COL21A1: variants seen among roughly 807,000 people sequenced by gnomAD.
COL21A1 encodes collagen type XXI alpha 1 chain, also known as collagen alpha-1(XXI) chain.
In COL21A1, 149 loss-of-function variants were observed where a neutral mutation model predicts 137.9. The observed-to-expected ratio is 1.08, with a 90% CI of 0.95 to 1.24. The LOEUF (loss-of-function observed/expected upper bound fraction) is 1.24, where lower values mean the gene tolerates loss of function less well. Ranked by LOEUF, COL21A1 falls within the 50% of genes most tolerant of loss-of-function variation. The pLI is 0.00. For synonymous variants in COL21A1, 456 were observed against 391.5 expected (o/e 1.16, Z -1.95); for missense variants, 1,167 against 1,158.4 (o/e 1.01, Z -0.11).
intron 10 of COL21A1, among the ~76,000 whole-genome samples, chr6:56,144,205 CT>C (rs1236101910): frequency 1.3e-5 from 2 of 152,100 alleles, no homozygotes; most frequent in Non-Finnish European, 2.9e-5. Context: ...TCTAAATTAT[CT>C]TTTTTTCAGA....
At position 56,182,530 on chromosome 6, in the gene COL21A1, C is replaced by A. The variant is rs370999783; in HGVS notation, c.88+1G>T. ...AAAAGGACAATGCTGATAGTTCTTA[C>A]TTGATCTTACTTCCCCATCTTCAGC... On this transcript the variant is annotated splice_donor_variant, in intron 2 of 29. Transcript: ENST00000244728. LOFTEE classifies it high-confidence loss of function. 1.1e-5 allele frequency: 17 copies of A among 1,584,646 alleles called. No homozygotes were observed. The highest frequency in any genetic ancestry group is 2.7e-5 in the African/African-American group (2 of 74,442).
At position 56,059,214 on chromosome 6, in the gene COL21A1, C is replaced by T. The variant is rs995321788; in HGVS notation, c.2637G>A (p.Gly879=). Residue 879 remains glycine (G), a synonymous_variant, in exon 29 of 30, where the codon GGG becomes GGA. Coordinates refer to ENST00000244728, the MANE Select transcript of COL21A1 (RefSeq NM_030820.4). ...KGLPGRNGEK[G]SQGFGYPGEQ... ...CTCCAGGATACCCAAACCCTTGGCT[C>T]CCTTTTTCCCCATTTCTTCCTGGTA... is the stretch of plus-strand genomic sequence containing the variant. The T allele has an allele frequency of 6.2e-6, 10 of 1,606,636 alleles. No individual in the cohort carries two copies. The Admixed American group carries it at 1.0e-4, about 17-fold the overall frequency.
At chr6:56,184,440 GA>G (rs11325762) in intron 1 of COL21A1, among the ~76,000 whole-genome samples, 96,855 of 151,632 alleles carry the variant, frequency 0.64, 31,202 homozygotes, top group East Asian at 0.86. Flanking sequence ...AACAAAAAAT[GA>G]AAAAAAATAA....
chr6:56,125,625 A>C lies in COL21A1; in HGVS notation c.1597-5T>G, dbSNP rs577577904. 1.3e-6 allele frequency: 2 copies of C among 1,554,916 alleles called. No homozygotes were observed. The highest frequency in any genetic ancestry group is 1.7e-4 in the Middle Eastern group (1 of 5,738). Reference sequence around the variant, plus strand: ...TCCTTTGGCACCCATTTCACCCTAAAAGACAAAATATAAATAGTGAATATT... The same window carrying C: ...TCCTTTGGCACCCATTTCACCCTAACAGACAAAATATAAATAGTGAATATT... On this transcript the variant is annotated splice_polypyrimidine_tract_variant and splice_region_variant and intron_variant, in intron 13 of 29. Transcript: ENST00000244728.
At chr6:56,273,000 G>T (rs748437808) in intron 1 of COL21A1, among the ~76,000 whole-genome samples, 33 of 152,052 alleles carry the variant, frequency 2.2e-4, no homozygotes, top group Admixed American at 1.3e-3. Context: ...AATTTCAACA[G>T]ATTTTAAAAA....
At chr6:56,267,428 A>T (rs549305503) in intron 1 of COL21A1, among the ~76,000 whole-genome samples, 1 of 152,182 alleles carries the variant, frequency 6.6e-6, no homozygotes, top group African/African-American at 2.4e-5. Context: ...AAGCCCCAAG[A>T]TGGAAAAAAC....
At position 56,148,368 on chromosome 6, in the gene COL21A1, G is replaced by GAGAGAGAGAGAGAGAGAGAA. The variant is rs1208798741; in HGVS notation, c.1435-6386_1435-6385insTTCTCTCTCTCTCTCTCTCT. Among the ~76,000 whole-genome samples the GAGAGAGAGAGAGAGAGAGAA allele has an allele frequency of 1.2e-3, 185 of 150,210 alleles. 2 individuals are homozygous for GAGAGAGAGAGAGAGAGAGAA. The highest frequency in any genetic ancestry group is 4.0e-3 in the African/African-American group (163 of 40,352). ...AGAGAGAGAGAGAGAGAGAGAGAGA[G>GAGAGAGAGAGAGAGAGAGAA]AAACACATAAAATAAATAAATAAAT... On this transcript the variant is annotated intron_variant, in intron 10 of 29. Transcript: ENST00000244728.
intron 2 of COL21A1, among the ~76,000 whole-genome samples, chr6:56,182,001 A>G (rs1340482384): frequency 6.6e-6 from 1 of 152,202 alleles, no homozygotes; most frequent in Non-Finnish European, 1.5e-5. Context: ...TAGTTAATTT[A>G]TAGTAGGATG....
chr6:56,321,469 T>C (rs186109150), intron 1 of COL21A1, among the ~76,000 whole-genome samples: 1 of 152,354 alleles, frequency 6.6e-6, no homozygotes, highest in East Asian at 1.9e-4. Context: ...TACATCACTT[T>C]AGTGGGCATT....
At chr6:56,098,059 A>ATG (rs1387030942) in intron 17 of COL21A1, among the ~76,000 whole-genome samples, 1 of 1,928 alleles carries the variant, frequency 5.2e-4, no homozygotes, top group Non-Finnish European at 8.8e-4. Context: ...ATAAATATAT[A>ATG]TAAATATATA....
chr6:56,276,533 T>A (rs576200366), intron 1 of COL21A1: 359 of 1,266,550 alleles, frequency 2.8e-4, no homozygotes, highest in Non-Finnish European at 3.6e-4. Flanking sequence ...ATATTAATCA[T>A]TCTTCTTATA....
rs145782854 is a variant in COL21A1 at position 56,144,153 on chromosome 6, T to C, written c.1435-2170A>G. 6.1e-3 allele frequency among the ~76,000 whole-genome samples: 933 copies of C among 152,322 alleles called. 9 individuals are homozygous for C. The highest frequency in any genetic ancestry group is 0.022 in the African/African-American group (896 of 41,582). On this transcript the variant is annotated intron_variant, in intron 10 of 29. Transcript: ENST00000244728. ...TGTCACTGCTAGCAATGTACAAATA[T>C]AGAATTCACTTTCCTCCTTACAACT... is the stretch of plus-strand genomic sequence containing the variant.
intron 1 of COL21A1, among the ~76,000 whole-genome samples, chr6:56,278,375 T>TA (rs1471841410): frequency 6.6e-6 from 1 of 152,094 alleles, no homozygotes; most frequent in East Asian, 1.9e-4. Context: ...GGTTTGACAG[T>TA]AGGGGGTTGA....
At chr6:56,093,340 T>G (rs1038149078) in intron 17 of COL21A1, among the ~76,000 whole-genome samples, 1 of 152,154 alleles carries the variant, frequency 6.6e-6, no homozygotes, top group Non-Finnish European at 1.5e-5. Context: ...CTTATCTAAA[T>G]TAATAAATCG....
chr6:56,173,705 G>A (rs1026454993), intron 3 of COL21A1, among the ~76,000 whole-genome samples: 10 of 151,980 alleles, frequency 6.6e-5, no homozygotes, highest in African/African-American at 1.7e-4. Context: ...ACAAAAATAC[G>A]AGGCAGACAT....
intron 10 of COL21A1, among the ~76,000 whole-genome samples, chr6:56,150,037 C>G (rs754792506): frequency 2.6e-5 from 4 of 152,176 alleles, no homozygotes; most frequent in Non-Finnish European, 5.9e-5. Context: ...TCCTCCATAT[C>G]CAAATTGATT....
At chr6:56,101,354 A>C in intron 17 of COL21A1, 118 bp downstream of exon 17, 1 of 754,136 alleles carries the variant, frequency 1.3e-6, no homozygotes, top group Admixed American at 2.6e-5. Context: ...AACATCTAAA[A>C]TCTGGAAGTC....
intron 1 of COL21A1, among the ~76,000 whole-genome samples, chr6:56,266,287 G>A (rs940620865): frequency 5.3e-5 from 8 of 152,162 alleles, no homozygotes; most frequent in African/African-American, 1.9e-4. Context: ...AGTACTGAAC[G>A]TTCTAGACAA....
chr6:56,282,332 T>C (rs1013105880), intron 1 of COL21A1, among the ~76,000 whole-genome samples: 25 of 151,508 alleles, frequency 1.7e-4, no homozygotes, highest in Admixed American at 1.1e-3. Context: ...AATTTCTTCT[T>C]GTACATTAAG....
Sources: allele counts gnomAD v4.1 joint callset (sites outside exome capture counted in the v4.1 genomes callset), GRCh38; gene constraint gnomAD v4.1.1; transcripts MANE v1.5; gene names NCBI Gene and HGNC (gene_info 2026-07-23, HGNC 2026-07-21).